TMEM63C: variants seen among roughly 807,000 people sequenced by gnomAD.
TMEM63C encodes transmembrane protein 63C, also known as osmosensitive cation channel TMEM63C.
In TMEM63C, 32 loss-of-function variants were observed where a neutral mutation model predicts 99.2. The observed-to-expected ratio is 0.32, with a 90% CI of 0.24 to 0.43. The LOEUF (loss-of-function observed/expected upper bound fraction) is 0.43. TMEM63C is among the 20% of genes least tolerant of loss of function. TMEM63C has a pLI of 1.00. For missense variants in TMEM63C, 826 were observed against 1,053.0 expected (o/e 0.78, Z 2.98); for synonymous variants, 376 against 397.9 (o/e 0.94, Z 0.66).
intron 1 of TMEM63C, among the ~76,000 whole-genome samples, chr14:77,207,100 C>A (rs1055500736): frequency 2.6e-5 from 4 of 152,234 alleles, no homozygotes; most frequent in African/African-American, 9.6e-5. Flanking sequence ...TGGGCACCAT[C>A]ATGGCTGCTC....
intron 4 of TMEM63C, 67 bp from the exon 5 acceptor site, chr14:77,219,939 G>T: frequency 6.9e-7 from 1 of 1,459,448 alleles, no homozygotes; most frequent in Non-Finnish European, 9.4e-7. Flanking sequence ...AGTGGGGAGG[G>T]AGCAGGGCAG....
intron 1 of TMEM63C, among the ~76,000 whole-genome samples, chr14:77,211,248 T>G (rs2140103369): frequency 6.6e-6 from 1 of 152,316 alleles, no homozygotes; most frequent in Non-Finnish European, 1.5e-5. Flanking sequence ...TTACAAATGG[T>G]CTGGCTTCAG....
At chr14:77,210,965 A>T (rs1002421969) in intron 1 of TMEM63C, among the ~76,000 whole-genome samples, 4 of 152,132 alleles carry the variant, frequency 2.6e-5, no homozygotes, top group African/African-American at 9.7e-5. Context: ...CTCTAATCCA[A>T]ACCAAAACAC....
At chr14:77,239,295 C>T in intron 10 of TMEM63C, 117 bp from the exon 11 acceptor site, 1 of 966,230 alleles carries the variant, frequency 1.0e-6, no homozygotes, top group African/African-American at 1.6e-5. Flanking sequence ...GTATCCCATC[C>T]AGGAACACCA....
In TMEM63C at chr14:77,257,460, C is replaced by A. The variant is rs1181643788; in HGVS notation, c.*734C>A. The A allele has an allele frequency of 6.6e-6, 1 of 152,162 alleles. No individual in the cohort carries two copies. The highest frequency in any genetic ancestry group is 1.5e-5 in the Non-Finnish European group (1 of 68,022). 9.4% of individuals were successfully genotyped at this position (152,162 alleles called of 1,614,324 possible). On this transcript the variant is annotated 3_prime_UTR_variant, in exon 24 of 24. Transcript: ENST00000298351. Reference sequence around the variant, plus strand: ...CACTCAGGGCTCATCAAATGAGACTCGTGTGCATTTTTCAGAAGGAAACCT... The same window carrying A: ...CACTCAGGGCTCATCAAATGAGACTAGTGTGCATTTTTCAGAAGGAAACCT...
chr14:77,243,690 T>G (rs1267141341), intron 15 of TMEM63C, among the ~76,000 whole-genome samples: 1 of 152,150 alleles, frequency 6.6e-6, no homozygotes, highest in Non-Finnish European at 1.5e-5. Flanking sequence ...GCCTCAAGAC[T>G]GTTACTAGGA....
chr14:77,226,728 G>A (rs766827061), intron 6 of TMEM63C, among the ~76,000 whole-genome samples: 75 of 151,906 alleles, frequency 4.9e-4, no homozygotes, highest in Admixed American at 7.2e-4. Context: ...TAAGTGTGGC[G>A]GGGGAGGGTA....
At chr14:77,246,178 C>A (rs921406868) in intron 17 of TMEM63C, among the ~76,000 whole-genome samples, 152 bp downstream of exon 17, 7 of 152,242 alleles carry the variant, frequency 4.6e-5, no homozygotes, top group Non-Finnish European at 8.8e-5. Context: ...ATGAGCCGGG[C>A]TTCCTGCAGA....
At chr14:77,197,144 A>C (rs995078203) in intron 1 of TMEM63C, among the ~76,000 whole-genome samples, 43 of 152,256 alleles carry the variant, frequency 2.8e-4, no homozygotes, top group Non-Finnish European at 5.1e-4. Flanking sequence ...TAACTGTGTT[A>C]AGATTTCTCT....
rs751550683 is a variant in TMEM63C at position 77,239,434 on chromosome 14, G to A, written c.748G>A (p.Val250Met). ...HFHEAYPGSV[V>M]TRVHFCYDVR... ...CAGCGAGGCCTATCCAGGCAGTGTC[G>A]TGACAAGAGTCCACTTCTGCTACGA... The change falls in exon 11 of 24, where the codon GTG becomes ATG. Residue 250 changes from valine (V) to methionine (M), a missense_variant. Physicochemically the swap from Val to Met is conservative, Grantham distance 21. Coordinates refer to ENST00000298351, the MANE Select transcript of TMEM63C (RefSeq NM_020431.4). 3.7e-6 allele frequency: 6 copies of A among 1,613,668 alleles called. No individual in the cohort carries two copies. Among genetic ancestry groups the A allele is most frequent in the East Asian group, 2.2e-5 (1 of 44,872 alleles).
chr14:77,231,509 C>T, intron 6 of TMEM63C, 79 bp from the exon 7 acceptor site: 1 of 1,483,600 alleles, frequency 6.7e-7, no homozygotes, highest in Non-Finnish European at 9.2e-7. Context: ...TCATTTTCTG[C>T]CCTTCCCTCT....
In TMEM63C at chr14:77,223,554, G is replaced by A. The variant is rs77789884; in HGVS notation, c.313-1870G>A. On this transcript the variant is annotated intron_variant, in intron 5 of 23. Coordinates refer to ENST00000298351, the MANE Select transcript of TMEM63C (RefSeq NM_020431.4). ...TCCTGGGAACTGCAGCCCTGTATCT[G>A]CCTCTCATGTGGCTGTTCAGCTGCT... Among the ~76,000 whole-genome samples, 1,471 of 152,292 alleles carry A rather than the reference G, an allele frequency of 9.7e-3. 20 individuals are homozygous for A. The highest frequency in any genetic ancestry group is 0.033 in the African/African-American group (1,391 of 41,554).
intron 1 of TMEM63C, among the ~76,000 whole-genome samples, chr14:77,198,336 A>G (rs1311758140): frequency 6.6e-6 from 1 of 152,244 alleles, no homozygotes; most frequent in African/African-American, 2.4e-5. Context: ...AAGAGAGGCC[A>G]CACACTGTGG....
chr14:77,204,139 C>T (rs1014916002), intron 1 of TMEM63C, among the ~76,000 whole-genome samples: 3 of 152,216 alleles, frequency 2.0e-5, no homozygotes, highest in Non-Finnish European at 4.4e-5. Flanking sequence ...CTTGTTACCA[C>T]GGAGACAAGA....
intron 1 of TMEM63C, among the ~76,000 whole-genome samples, chr14:77,182,318 A>G (rs1887928170): frequency 6.6e-6 from 1 of 152,112 alleles, no homozygotes; most frequent in Non-Finnish European, 1.5e-5. Flanking sequence ...GGGAGGGGGC[A>G]GTCTGCTCCG....
chr14:77,188,469 A>G (rs969062597), intron 1 of TMEM63C, among the ~76,000 whole-genome samples: 1 of 152,232 alleles, frequency 6.6e-6, no homozygotes, highest in African/African-American at 2.4e-5. Context: ...TATATGCTTT[A>G]TGACCAACGA....
chr14:77,203,332 A>G (rs2140098535), intron 1 of TMEM63C, among the ~76,000 whole-genome samples: 1 of 151,194 alleles, frequency 6.6e-6, no homozygotes, highest in South Asian at 2.1e-4. Flanking sequence ...CAGTGAGCCA[A>G]GATCCTGCCA....
chr14:77,186,018 GT>G (rs562947405), intron 1 of TMEM63C, among the ~76,000 whole-genome samples: 19 of 145,570 alleles, frequency 1.3e-4, no homozygotes, highest in South Asian at 6.6e-4. Flanking sequence ...TGTTGTTGTT[GT>G]TTTTTTTTTT....
intron 1 of TMEM63C, among the ~76,000 whole-genome samples, chr14:77,204,777 C>T (rs573155893): frequency 6.7e-4 from 102 of 152,340 alleles, no homozygotes; most frequent in African/African-American, 2.1e-3. Flanking sequence ...TCTATTAAAC[C>T]TCACATCTAC....
Sources: allele counts gnomAD v4.1 joint callset (sites outside exome capture counted in the v4.1 genomes callset), GRCh38; gene constraint gnomAD v4.1.1; transcripts MANE v1.5; gene names NCBI Gene and HGNC (gene_info 2026-07-23, HGNC 2026-07-21).